The following ZFP91 variants were observed in gnomAD, a reference collection of about 807,000 sequenced individuals.
ZFP91 encodes the protein ZFP91 zinc finger protein, atypical E3 ubiquitin ligase.
In ZFP91, 7 loss-of-function variants were observed where a neutral mutation model predicts 63.5. The ratio of observed to expected loss-of-function variants is 0.11; its 90% confidence interval spans 0.06 to 0.21. ZFP91 has a LOEUF of 0.21. ZFP91 is among the 10% of genes least tolerant of loss of function. The pLI is 1.00. For synonymous variants in ZFP91, 330 were observed against 272.1 expected (o/e 1.21, Z -2.10); for missense variants, 628 against 736.6 (o/e 0.85, Z 1.71).
At chr11:58,606,480 C>G (rs998902764) in intron 2 of ZFP91, among the ~76,000 whole-genome samples, 2 of 152,042 alleles carry the variant, frequency 1.3e-5, no homozygotes, top group African/African-American at 4.8e-5. Context: ...CTCTGATTGT[C>G]TTTAGTTCTT....
At chr11:58,582,879 T>C (rs1855143129) in intron 1 of ZFP91, among the ~76,000 whole-genome samples, 1 of 152,126 alleles carries the variant, frequency 6.6e-6, no homozygotes, top group Non-Finnish European at 1.5e-5. Flanking sequence ...TTCATTGTGC[T>C]CAAGAGAAGC....
intron 1 of ZFP91, among the ~76,000 whole-genome samples, chr11:58,583,706 G>C (rs1013040157): frequency 2.6e-5 from 4 of 152,010 alleles, no homozygotes; most frequent in Non-Finnish European, 5.9e-5. Context: ...AGCAGTTATG[G>C]TGTGTTAATT....
chr11:58,614,484 G>A (rs1855718244), intron 9 of ZFP91, 141 bp downstream of exon 9: 3 of 611,040 alleles, frequency 4.9e-6, no homozygotes, highest in Admixed American at 3.6e-5. Context: ...ATAAAATGTA[G>A]TAAGACAAAT....
chr11:58,592,328 C>A (rs180903896), intron 2 of ZFP91, among the ~76,000 whole-genome samples: 72 of 152,162 alleles, frequency 4.7e-4, no homozygotes, highest in South Asian at 1.0e-3. Context: ...CTCAGATGAT[C>A]TCCCTGCCTC....
chr11:58,596,861 T>C (rs1049242293), intron 2 of ZFP91, among the ~76,000 whole-genome samples: 1 of 152,164 alleles, frequency 6.6e-6, no homozygotes, highest in Non-Finnish European at 1.5e-5. Context: ...CTTCCTGACT[T>C]TCATGATGTT....
At chr11:58,583,006 G>A (rs528505499) in intron 1 of ZFP91, among the ~76,000 whole-genome samples, 2 of 152,220 alleles carry the variant, frequency 1.3e-5, no homozygotes, top group South Asian at 4.1e-4. Context: ...ATCATTTGCT[G>A]TATGTTAGCC....
At chr11:58,588,820 G>A (rs916334332) in intron 2 of ZFP91, among the ~76,000 whole-genome samples, 4 of 151,932 alleles carry the variant, frequency 2.6e-5, no homozygotes, top group African/African-American at 9.7e-5. Context: ...TCCCATTCCA[G>A]TGAGAAAAAT....
chr11:58,596,011 G>A (rs1052846341), intron 2 of ZFP91, among the ~76,000 whole-genome samples: 1 of 152,130 alleles, frequency 6.6e-6, no homozygotes, highest in African/African-American at 2.4e-5. Flanking sequence ...ACAAAAACCT[G>A]CATTTAACTT....
chr11:58,617,070 TTG>T lies in ZFP91; in HGVS notation c.1203-98_1203-97del, dbSNP rs143676081. 0.25 allele frequency: 172,000 copies of T among 694,448 alleles called. 7,196 individuals carry two copies. The highest frequency in any genetic ancestry group is 0.3 in the Middle Eastern group (680 of 2,280). 43.0% of individuals were successfully genotyped at this position (694,448 alleles called of 1,614,324 possible). A position where few individuals can be genotyped will look rare whatever the true frequency, so the allele number is the denominator to read the frequency against. Reference sequence around the variant, plus strand: ...TTCAAAAGAAGTATGTTACTGATTATTGTGTGTGTGTGTGTGTGTGTGTGTGT... The same window carrying T: ...TTCAAAAGAAGTATGTTACTGATTATTGTGTGTGTGTGTGTGTGTGTGTGT... On this transcript the variant is annotated intron_variant, in intron 10 of 10. Coordinates refer to ENST00000316059, the MANE Select transcript of ZFP91 (RefSeq NM_053023.5). The surrounding 1 kb of genome is among the most constrained non-coding windows in gnomAD (Gnocchi z 4.2).
At chr11:58,590,892 C>A (rs562630660) in intron 2 of ZFP91, among the ~76,000 whole-genome samples, 1 of 149,856 alleles carries the variant, frequency 6.7e-6, no homozygotes, top group East Asian at 1.9e-4. Flanking sequence ...AACTGAAGGG[C>A]ATTTGATATT....
At chr11:58,603,576 G>GAA (rs1226272168) in intron 2 of ZFP91, among the ~76,000 whole-genome samples, 4 of 152,178 alleles carry the variant, frequency 2.6e-5, no homozygotes, top group Non-Finnish European at 4.4e-5. Context: ...CTGCCAGGCT[G>GAA]GCCTGAATGG....
intron 3 of ZFP91, 47 bp from the exon 4 acceptor site, chr11:58,610,251 C>T: frequency 6.4e-7 from 1 of 1,566,368 alleles, no homozygotes; most frequent in Non-Finnish European, 8.6e-7. Flanking sequence ...GAGAAAATAT[C>T]TTATATCTAC....
At chr11:58,607,123 C>T (rs1049754176) in intron 2 of ZFP91, among the ~76,000 whole-genome samples, 2 of 151,792 alleles carry the variant, frequency 1.3e-5, no homozygotes, top group South Asian at 4.2e-4. Flanking sequence ...AAGAAAGGAG[C>T]TTTGTTGAGG....
chr11:58,584,475 A>G (rs1412014284), intron 1 of ZFP91, among the ~76,000 whole-genome samples: 1 of 151,986 alleles, frequency 6.6e-6, no homozygotes, highest in Non-Finnish European at 1.5e-5. Context: ...AAATAAGAAC[A>G]TTTTCTTATA....
chr11:58,614,212 C>A lies in ZFP91; in HGVS notation c.988-17C>A. 6.7e-7 allele frequency: 1 copy of A among 1,503,740 alleles called. No individual in the cohort carries two copies. The highest frequency in any genetic ancestry group is 9.0e-7 in the Non-Finnish European group (1 of 1,113,524). 93.1% of individuals were successfully genotyped at this position (1,503,740 alleles called of 1,614,324 possible). A position where few individuals can be genotyped will look rare whatever the true frequency, so the allele number is the denominator to read the frequency against. On this transcript the variant is annotated splice_polypyrimidine_tract_variant and intron_variant, in intron 8 of 10. Transcript: ENST00000316059. ...TTAATTTTTTTTTTTTCGCCCCTTT[C>A]ACTTTCTCTGTTTTAGCACCACATT...
At chr11:58,581,199 T>C (rs1210532623) in intron 1 of ZFP91, among the ~76,000 whole-genome samples, 1 of 151,992 alleles carries the variant, frequency 6.6e-6, no homozygotes, top group South Asian at 2.1e-4. Context: ...TTCATATAAA[T>C]TATGCAAAAT....
Position 58,617,527 on chromosome 11 carries a change from G to C in ZFP91, c.1534G>C (p.Ala512Pro), listed in dbSNP as rs1284397639. 6.2e-7 allele frequency: 1 copy of C among 1,614,100 alleles called. No homozygotes were observed. Among genetic ancestry groups the C allele is most frequent in the South Asian group, 1.1e-5 (1 of 91,074 alleles). The change falls in exon 11 of 11, where the codon GCT becomes CCT. Residue 512 changes from alanine (A) to proline (P), a missense_variant. Ala to Pro is a conservative substitution (Grantham distance 27). Around this residue, in one of 3 missense-constraint regions of ZFP91, gnomAD observed 115 missense variants for 125.4 expected, o/e 0.92. Coordinates refer to ENST00000316059, the MANE Select transcript of ZFP91 (RefSeq NM_053023.5). This position sits in a 1 kb window ranked among gnomAD's most constrained non-coding sequence, Gnocchi z 4.2. ...CTCTGGAGAGTGCCTACTGTTAGAAGCTGAAGGGATGTCAAAGTCATACTG... is the reference window on the plus strand; with the variant it reads ...CTCTGGAGAGTGCCTACTGTTAGAACCTGAAGGGATGTCAAAGTCATACTG... ...STSGECLLLE[A>P]EGMSKSYCSG...
At chr11:58,613,594 A>C (rs567883733) in intron 8 of ZFP91, among the ~76,000 whole-genome samples, 19 of 152,304 alleles carry the variant, frequency 1.2e-4, no homozygotes, top group African/African-American at 3.1e-4. Flanking sequence ...TTTTATTTTA[A>C]AGTGATTTAG....
chr11:58,612,371 A>G (rs747675932), intron 7 of ZFP91, 43 bp downstream of exon 7: 1 of 1,592,308 alleles, frequency 6.3e-7, no homozygotes, highest in South Asian at 1.1e-5. Context: ...TTATTCCAGT[A>G]CCAGGCACTT....
Sources: allele counts gnomAD v4.1 joint callset (sites outside exome capture counted in the v4.1 genomes callset), GRCh38; gene constraint gnomAD v4.1.1; regional missense constraint gnomAD v4.1.1; non-coding constraint Gnocchi (gnomAD v3.1); transcripts MANE v1.5; gene names NCBI Gene and HGNC (gene_info 2026-07-23, HGNC 2026-07-21).